CALCRL: variants seen among roughly 807,000 people sequenced by gnomAD.
CALCRL encodes the protein calcitonin gene-related peptide type 1 receptor.
CALCRL carries 27 observed loss-of-function variants against 60.4 expected under a neutral mutation model. That is an observed-to-expected ratio of 0.45 (90% CI 0.33 to 0.62). CALCRL has a LOEUF of 0.62. Ranked by LOEUF, CALCRL falls within the 20% of genes least tolerant of loss-of-function variation. The pLI is 0.03. For synonymous variants in CALCRL, 190 were observed against 182.6 expected (o/e 1.04, Z -0.33); for missense variants, 424 against 540.7 (o/e 0.78, Z 2.14).
intron 12 of CALCRL, among the ~76,000 whole-genome samples, chr2:187,355,030 A>G (rs1686709178): frequency 6.6e-6 from 1 of 152,080 alleles, no homozygotes; most frequent in Non-Finnish European, 1.5e-5. Flanking sequence ...TGCAGAAACT[A>G]CAAGTGAGGA....
chr2:187,397,405 A>G (rs1042716357), intron 1 of CALCRL, among the ~76,000 whole-genome samples: 1 of 151,684 alleles, frequency 6.6e-6, no homozygotes, highest in Non-Finnish European at 1.5e-5. Flanking sequence ...ACAATTACTA[A>G]TACTGAGCCT....
chr2:187,360,875 A>T (rs1023307890), intron 9 of CALCRL, 124 bp from the exon 10 acceptor site: 15 of 804,128 alleles, frequency 1.9e-5, no homozygotes, highest in African/African-American at 5.3e-5. Flanking sequence ...TACATTAATG[A>T]TTAGGATTTG....
intron 1 of CALCRL, among the ~76,000 whole-genome samples, chr2:187,413,917 A>G (rs533625213): frequency 2.0e-5 from 3 of 152,254 alleles, no homozygotes; most frequent in African/African-American, 7.2e-5. Flanking sequence ...CTCTGTGTCT[A>G]TGTAACTTGG....
At chr2:187,374,176 G>A (rs1235126748) in intron 8 of CALCRL, among the ~76,000 whole-genome samples, 1 of 151,570 alleles carries the variant, frequency 6.6e-6, no homozygotes, top group Admixed American at 6.6e-5. Flanking sequence ...TCTAAAACAA[G>A]AAAGAAAGAA....
intron 4 of CALCRL, among the ~76,000 whole-genome samples, chr2:187,383,538 G>A (rs906622464): frequency 2.6e-5 from 4 of 152,102 alleles, no homozygotes; most frequent in Non-Finnish European, 5.9e-5. Flanking sequence ...GGCAGAGTGG[G>A]AAACCACAGT....
intron 1 of CALCRL, among the ~76,000 whole-genome samples, chr2:187,397,321 G>A (rs1266756905): frequency 1.3e-5 from 2 of 151,330 alleles, no homozygotes; most frequent in African/African-American, 4.8e-5. Context: ...CATTTAAGTA[G>A]TTATGAAAAT....
intron 1 of CALCRL, among the ~76,000 whole-genome samples, chr2:187,410,575 G>T (rs1159242043): frequency 6.6e-6 from 1 of 152,188 alleles, no homozygotes; most frequent in Non-Finnish European, 1.5e-5. Context: ...AGAACAGAAG[G>T]TTTGAAAGCC....
intron 1 of CALCRL, among the ~76,000 whole-genome samples, chr2:187,437,727 G>T (rs1189571679): frequency 3.3e-5 from 5 of 152,096 alleles, no homozygotes; most frequent in Non-Finnish European, 7.4e-5. Context: ...ATCAAATAAA[G>T]TCAGAAAGTT....
chr2:187,381,422 T>C (rs1416053962), intron 5 of CALCRL, among the ~76,000 whole-genome samples: 6 of 152,124 alleles, frequency 3.9e-5, no homozygotes, highest in Admixed American at 3.9e-4. Flanking sequence ...AACCGACCAA[T>C]GTTCTAATGT....
chr2:187,390,434 A>G (rs974709699), intron 1 of CALCRL, among the ~76,000 whole-genome samples: 1 of 152,172 alleles, frequency 6.6e-6, no homozygotes, highest in African/African-American at 2.4e-5. Flanking sequence ...TAATATGCAC[A>G]TGAACTCCAA....
At chr2:187,349,832 T>G (rs1397427505) in intron 14 of CALCRL, among the ~76,000 whole-genome samples, 1 of 151,706 alleles carries the variant, frequency 6.6e-6, no homozygotes, top group Non-Finnish European at 1.5e-5. Flanking sequence ...AGAGCCAATT[T>G]GGGATTTTGA....
Position 187,427,802 on chromosome 2 carries a change from A to G in CALCRL, c.-293+20237T>C, listed in dbSNP as rs58314248. ...GCTGGAAAATGAGTGACAAAAAGAA[A>G]GAATGGGGTAAAGACACAATGAAGT... On this transcript the variant is annotated intron_variant, in intron 1 of 14. Transcript: ENST00000392370. 9.9e-3 allele frequency among the ~76,000 whole-genome samples: 1,512 copies of G among 152,316 alleles called. 24 individuals carry two copies. The highest frequency in any genetic ancestry group is 0.035 in the African/African-American group (1,442 of 41,578).
rs897717641 is a variant in CALCRL, at chr2:187,397,724, T to G, written c.-292-9968A>C. On this transcript the variant is annotated intron_variant, in intron 1 of 14. Transcript: ENST00000392370. ...CTCCCACCCTTCTAAACCACCAAAGTTTATTATTCCACACTCTATGTCTTT... is the reference window on the plus strand; with the variant it reads ...CTCCCACCCTTCTAAACCACCAAAGGTTATTATTCCACACTCTATGTCTTT... Among the ~76,000 whole-genome samples the G allele has an allele frequency of 2.0e-5, 3 of 151,554 alleles. No homozygotes were observed. In the Admixed American group the frequency reaches 2.0e-4, roughly 10 times the overall value.
chr2:187,407,006 T>G (rs957660507), intron 1 of CALCRL, among the ~76,000 whole-genome samples: 12 of 152,062 alleles, frequency 7.9e-5, no homozygotes, highest in African/African-American at 2.9e-4. Context: ...TTAGTTTCGC[T>G]CCACCTTATG....
intron 1 of CALCRL, among the ~76,000 whole-genome samples, chr2:187,407,088 G>T (rs1392819199): frequency 6.6e-6 from 1 of 151,886 alleles, no homozygotes; most frequent in Non-Finnish European, 1.5e-5. Context: ...ACTAGATAAA[G>T]TTACGTCTGT....
chr2:187,386,365 T>C (rs1454071521), intron 3 of CALCRL, among the ~76,000 whole-genome samples: 1 of 152,144 alleles, frequency 6.6e-6, no homozygotes, highest in African/African-American at 2.4e-5. Context: ...TTCTTGAGAA[T>C]CAACATCTAT....
intron 4 of CALCRL, 116 bp from the exon 5 acceptor site, chr2:187,383,421 A>G: frequency 1.3e-6 from 1 of 770,306 alleles, no homozygotes; most frequent in South Asian, 2.4e-5. Flanking sequence ...ACTGGAAGAT[A>G]AACTGGCGCT....
chr2:187,389,403 T>C (rs1028831604), intron 1 of CALCRL, among the ~76,000 whole-genome samples: 6 of 152,082 alleles, frequency 3.9e-5, no homozygotes, highest in African/African-American at 1.2e-4. Context: ...CACTAGTATG[T>C]TTCTTAGTAT....
chr2:187,407,427 T>A (rs984709486), intron 1 of CALCRL, among the ~76,000 whole-genome samples: 6 of 152,100 alleles, frequency 3.9e-5, no homozygotes, highest in Non-Finnish European at 5.9e-5. Context: ...GGAAGTGTTT[T>A]CTCACATTTT....
Sources: allele counts gnomAD v4.1 joint callset (sites outside exome capture counted in the v4.1 genomes callset), GRCh38; gene constraint gnomAD v4.1.1; transcripts MANE v1.5; gene names NCBI Gene and HGNC (gene_info 2026-07-23, HGNC 2026-07-21).